KLHL5: variants seen among roughly 807,000 people sequenced by gnomAD.
KLHL5 encodes kelch like family member 5.
In KLHL5, 48 loss-of-function variants were observed where a neutral mutation model predicts 77.7. That is an observed-to-expected ratio of 0.62 (90% CI 0.49 to 0.79). The LOEUF (loss-of-function observed/expected upper bound fraction) is 0.79, where lower values mean the gene tolerates loss of function less well. Ranked by LOEUF, KLHL5 falls within the 30% of genes least tolerant of loss-of-function variation. KLHL5 has a pLI of 0.00. For synonymous variants in KLHL5, 260 were observed against 297.0 expected (o/e 0.88, Z 1.28); for missense variants, 723 against 859.7 (o/e 0.84, Z 1.99).
upstream of KLHL5, chr4:39,044,959 G>T: frequency 1.2e-6 from 1 of 833,432 alleles, no homozygotes; most frequent in Non-Finnish European, 1.3e-6. Flanking sequence ...GGATGAGGCT[G>T]CCCGGACAGG....
chr4:39,048,188 C>T (rs1716341551), intron 1 of KLHL5, among the ~76,000 whole-genome samples: 1 of 152,114 alleles, frequency 6.6e-6, no homozygotes, highest in African/African-American at 2.4e-5. Context: ...TATTTGGTTC[C>T]AGAGTTCGAG....
At chr4:39,045,625 G>A (rs1418551066) in intron 1 of KLHL5, among the ~76,000 whole-genome samples, 1 of 152,114 alleles carries the variant, frequency 6.6e-6, no homozygotes, top group African/African-American at 2.4e-5. Flanking sequence ...CGGCGTGCCT[G>A]GTGAAACTTT....
At chr4:39,135,862 C>A in the KLHL5 span, among the ~76,000 whole-genome samples, 1 of 152,180 alleles carries the variant, frequency 6.6e-6, no homozygotes, top group South Asian at 2.1e-4. Flanking sequence ...CGAAATCACA[C>A]CATTGCACTC....
At chr4:39,051,051 A>G (rs1716604314) in intron 1 of KLHL5, among the ~76,000 whole-genome samples, 1 of 152,228 alleles carries the variant, frequency 6.6e-6, no homozygotes, top group South Asian at 2.1e-4. Context: ...AGAACGGCAC[A>G]TGTAATATAC....
At chr4:39,112,390 C>T (rs1722509355) in intron 8 of KLHL5, among the ~76,000 whole-genome samples, 1 of 152,156 alleles carries the variant, frequency 6.6e-6, no homozygotes, top group Non-Finnish European at 1.5e-5. Context: ...TCCTATTTCA[C>T]TATTACAAGT....
chr4:39,088,635 AAT>A lies in KLHL5; in HGVS notation c.1113+1909_1113+1910del, dbSNP rs571637012. 3.0e-3 allele frequency among the ~76,000 whole-genome samples: 462 copies of A among 152,254 alleles called. 2 individuals carry two copies. The highest frequency in any genetic ancestry group is 0.011 in the African/African-American group (440 of 41,546). The stretch of plus-strand genomic sequence containing the variant: ...ATTAAAAAAATAAATCAGTGATTAT[AAT>A]GAGATGAAGACTGTGACAGATACAT... On this transcript the variant is annotated intron_variant, in intron 5 of 10. Coordinates refer to ENST00000504108, the MANE Select transcript of KLHL5 (RefSeq NM_015990.5).
chr4:39,087,639 C>G (rs541133560), intron 5 of KLHL5, among the ~76,000 whole-genome samples: 3 of 152,218 alleles, frequency 2.0e-5, no homozygotes, highest in African/African-American at 7.2e-5. Flanking sequence ...GGCAATCAGT[C>G]ATAACATTTA....
At chr4:39,134,426 T>C in the KLHL5 span, among the ~76,000 whole-genome samples, 1 of 152,208 alleles carries the variant, frequency 6.6e-6, no homozygotes, top group Non-Finnish European at 1.5e-5. Flanking sequence ...TCCCAGTTAA[T>C]GATACGCAAA....
chr4:39,118,447 G>A (rs1722999516), intron 10 of KLHL5, among the ~76,000 whole-genome samples: 1 of 152,102 alleles, frequency 6.6e-6, no homozygotes, highest in Admixed American at 6.5e-5. Flanking sequence ...AAAAGGGCAG[G>A]AAACAGAATT....
At chr4:39,077,694 TAA>T (rs60744492) in intron 2 of KLHL5, among the ~76,000 whole-genome samples, 154 of 128,536 alleles carry the variant, frequency 1.2e-3, no homozygotes, top group East Asian at 1.8e-3. Flanking sequence ...GAACTAAAGG[TAA>T]AAAAAAAAAA....
chr4:39,113,241 C>T lies in KLHL5; in HGVS notation c.1901+9C>T. 6.2e-7 allele frequency: 1 copy of T among 1,605,296 alleles called. No individual in the cohort carries two copies. Among genetic ancestry groups the T allele is most frequent in the Non-Finnish European group, 8.5e-7 (1 of 1,174,428 alleles). The stretch of plus-strand genomic sequence containing the variant: ...TCAGACTGTGTGGAAAGGTAATTTC[C>T]TGGGAAGAAAAACTAGGAACAAAAA... On this transcript the variant is annotated intron_variant, in intron 9 of 10. Coordinates refer to ENST00000504108, the MANE Select transcript of KLHL5 (RefSeq NM_015990.5).
chr4:39,062,912 C>A lies in KLHL5; in HGVS notation c.260C>A (p.Thr87Asn), dbSNP rs759531435. The A allele has an allele frequency of 6.2e-6, 10 of 1,614,092 alleles. No homozygotes were observed. The highest frequency in any genetic ancestry group is 8.5e-6 in the Non-Finnish European group (10 of 1,180,034). ...QNSPSWPMASTSEVPAFEFTA... is the reference protein window; with the variant it reads ...QNSPSWPMASNSEVPAFEFTA... ...TCACCTTCTTGGCCAATGGCATCCA[C>A]CTCTGAAGTCCCTGCATTTGAGTTT... The change falls in exon 1 of 11, where the codon ACC becomes AAC. Residue 87 changes from threonine to asparagine, a missense_variant. Coordinates refer to ENST00000504108, the MANE Select transcript of KLHL5 (RefSeq NM_015990.5).
At chr4:39,045,757 T>C (rs1716132745) in intron 1 of KLHL5, among the ~76,000 whole-genome samples, 1 of 151,724 alleles carries the variant, frequency 6.6e-6, no homozygotes, top group African/African-American at 2.4e-5. Flanking sequence ...TTCAAAAATA[T>C]TCTTCAGTAG....
chr4:39,105,168 A>G (rs907637569), intron 7 of KLHL5, among the ~76,000 whole-genome samples: 6 of 148,352 alleles, frequency 4.0e-5, no homozygotes, highest in African/African-American at 1.5e-4. Context: ...TTTTTTTGAG[A>G]CAGGTTCTTG....
intron 1 of KLHL5, among the ~76,000 whole-genome samples, chr4:39,045,296 C>T (rs1357996994): frequency 6.6e-6 from 1 of 150,396 alleles, no homozygotes; most frequent in African/African-American, 2.4e-5. Context: ...ACACCGCGCC[C>T]GGGGCTCGAA....
intron 1 of KLHL5, among the ~76,000 whole-genome samples, chr4:39,075,559 G>A (rs897423992): frequency 3.3e-5 from 5 of 152,026 alleles, no homozygotes; most frequent in African/African-American, 4.8e-5. Context: ...ACTTGAATTT[G>A]TATTTCCAAA....
intron 1 of KLHL5, among the ~76,000 whole-genome samples, chr4:39,067,863 A>G (rs1392061263): frequency 6.6e-6 from 1 of 151,918 alleles, no homozygotes; most frequent in East Asian, 1.9e-4. Flanking sequence ...CTGTATTTTT[A>G]GTAGAGATGG....
chr4:39,065,569 G>C (rs1198177868), intron 1 of KLHL5, among the ~76,000 whole-genome samples: 1 of 151,976 alleles, frequency 6.6e-6, no homozygotes, highest in Non-Finnish European at 1.5e-5. Context: ...GGCCAGGCTG[G>C]TCTTGAACTC....
At chr4:39,136,219 A>G in the KLHL5 span, among the ~76,000 whole-genome samples, 1 of 151,966 alleles carries the variant, frequency 6.6e-6, no homozygotes, top group South Asian at 2.1e-4. Context: ...GGAGTCAGTG[A>G]CATGATCTCT....
Sources: allele counts gnomAD v4.1 joint callset (sites outside exome capture counted in the v4.1 genomes callset), GRCh38; gene constraint gnomAD v4.1.1; transcripts MANE v1.5; gene names NCBI Gene and HGNC (gene_info 2026-07-23, HGNC 2026-07-21).